The following AMOTL2 variants were observed in gnomAD, a reference collection of about 807,000 sequenced individuals.
AMOTL2 encodes the protein angiomotin-like protein 2.
In AMOTL2, 33 loss-of-function variants were observed where a neutral mutation model predicts 78.4. The observed-to-expected ratio is 0.42, with a 90% confidence interval of 0.32 to 0.56. AMOTL2 has a LOEUF of 0.56. Among genes scored for constraint, AMOTL2 ranks in the 20% least tolerant of loss-of-function variants. The pLI is 0.12. For missense variants in AMOTL2, 983 were observed against 1,030.1 expected (o/e 0.95, Z 0.63); for synonymous variants, 422 against 428.8 (o/e 0.98, Z 0.20).
intron 2 of AMOTL2, among the ~76,000 whole-genome samples, chr3:134,369,264 A>T (rs768023756): frequency 6.6e-6 from 1 of 152,112 alleles, no homozygotes; most frequent in African/African-American, 2.4e-5. Context: ...GCCATTCTCA[A>T]GGTTGCTTCA....
At position 134,357,277 on chromosome 3, in the gene AMOTL2, G is replaced by T. The variant is rs932384173; in HGVS notation, c.*428C>A. The T allele has an allele frequency of 2.5e-5, 5 of 199,588 alleles. No individual in the cohort carries two copies. Among genetic ancestry groups the T allele is most frequent in the African/African-American group, 1.1e-4 (5 of 44,110 alleles). 12.4% of individuals were successfully genotyped at this position (199,588 alleles called of 1,614,324 possible). A position where few individuals can be genotyped will look rare whatever the true frequency, so the allele number is the denominator to read the frequency against. ...GAACAATATGGCTGACTTGATTAGT[G>T]AACCAGTCCACCTGGTGTCCACGGG... On this transcript the variant is annotated 3_prime_UTR_variant, in exon 10 of 10. Transcript: ENST00000249883.
chr3:134,370,612 A>G, intron 2 of AMOTL2, 88 bp downstream of exon 2: 1 of 1,457,118 alleles, frequency 6.9e-7, no homozygotes, highest in Non-Finnish European at 9.1e-7. Flanking sequence ...TAGCTCTGAC[A>G]CAAGCTGTGA....
intron 9 of AMOTL2, 51 bp from the exon 10 acceptor site, chr3:134,357,814 C>G (rs1011329782): frequency 1.9e-6 from 3 of 1,562,808 alleles, no homozygotes; most frequent in Non-Finnish European, 2.6e-6. Context: ...TACTAGATTG[C>G]TTTTAAAATC....
At position 134,360,339 on chromosome 3, in the gene AMOTL2, T is replaced by A; in HGVS notation, c.1650A>T (p.Glu550Asp). The A allele has an allele frequency of 1.2e-6, 2 of 1,614,216 alleles. No individual in the cohort carries two copies. The highest frequency in any genetic ancestry group is 2.7e-5 in the African/African-American group (2 of 75,078). ...SPELSALRLS[E>D]QLREKEEQIL... ...TCTGCTCCTCCTTCTCTCGCAGTTG[T>A]TCTGACAGTCGCAGGGCGCTGAGCT... The change falls in exon 7 of 10, where the codon GAA (glutamate) becomes GAT (aspartate). Residue 550 changes from glutamate (E) to aspartate (D), a missense_variant. Physicochemically the swap from Glu to Asp is conservative, Grantham distance 45 (BLOSUM62 2). Coordinates refer to ENST00000249883, the MANE Select transcript of AMOTL2 (RefSeq NM_016201.4).
chr3:134,365,930 A>G (rs1330524220), intron 4 of AMOTL2, 21 bp from the exon 5 acceptor site: 4 of 1,611,816 alleles, frequency 2.5e-6, no homozygotes, highest in Non-Finnish European at 3.4e-6. Flanking sequence ...GGAAGGAAAG[A>G]TGTTTTAGTG....
chr3:134,364,643 C>T (rs1295023336), intron 5 of AMOTL2, among the ~76,000 whole-genome samples: 1 of 152,078 alleles, frequency 6.6e-6, no homozygotes, highest in Non-Finnish European at 1.5e-5. Flanking sequence ...CTGTCAATTC[C>T]TTCAGTGCTG....
intron 3 of AMOTL2, 89 bp downstream of exon 3, chr3:134,367,408 C>T: frequency 6.8e-7 from 1 of 1,473,452 alleles, no homozygotes; most frequent in Non-Finnish European, 9.3e-7. Context: ...TTTTCAGGCT[C>T]CTCTGCCTCT....
chr3:134,375,047 C>A, upstream of AMOTL2: 3 of 1,459,070 alleles, frequency 2.1e-6, no homozygotes, highest in Non-Finnish European at 2.7e-6. Flanking sequence ...GCCTCTTTCC[C>A]CTAACCCCCG....
At chr3:134,373,425 G>T in intron 1 of AMOTL2, 1 of 977,354 alleles carries the variant, frequency 1.0e-6, no homozygotes, top group Non-Finnish European at 1.2e-6. Context: ...TCGCGAATTT[G>T]TCCCGGCCAA....
At chr3:134,363,999 A>C (rs2017487285) in intron 5 of AMOTL2, among the ~76,000 whole-genome samples, 1 of 152,198 alleles carries the variant, frequency 6.6e-6, no homozygotes. Flanking sequence ...CTCCTTAGTA[A>C]GAAATAAGTG....
Position 134,371,128 on chromosome 3 carries a change from C to G in AMOTL2, c.306G>C (p.Glu102Asp), listed in dbSNP as rs1029534016. Reference sequence around the variant, plus strand: ...TGGCCTCCTCATAGGTGGGCAGCTCCTCTCCCTTGCTGGGCTGTGGGCATA... The same window carrying G: ...TGGCCTCCTCATAGGTGGGCAGCTCGTCTCCCTTGCTGGGCTGTGGGCATA... ...YRLCPQPSKG[E>D]ELPTYEEAKA... The change falls in exon 2 of 10, where the codon GAG (glutamate) becomes GAC (aspartate). Residue 102 changes from glutamate to aspartate, a missense_variant. Physicochemically the swap from Glu to Asp is conservative, Grantham distance 45. Transcript: ENST00000249883. 6.2e-7 allele frequency: 1 copy of G among 1,613,646 alleles called. No homozygotes were observed. Among genetic ancestry groups the G allele is most frequent in the Non-Finnish European group, 8.5e-7 (1 of 1,179,842 alleles).
chr3:134,375,293 C>G, upstream of AMOTL2: 1 of 1,506,690 alleles, frequency 6.6e-7, no homozygotes, highest in South Asian at 1.2e-5. Context: ...GGCTTTTCGC[C>G]CAGTCATCCG....
chr3:134,373,664 C>A, intron 1 of AMOTL2: 1 of 985,498 alleles, frequency 1.0e-6, no homozygotes, highest in Non-Finnish European at 1.2e-6. Flanking sequence ...GGGCTCCCGC[C>A]CCACCACGAG....
intron 5 of AMOTL2, among the ~76,000 whole-genome samples, chr3:134,363,001 G>A (rs537301758): frequency 6.6e-6 from 1 of 152,364 alleles, no homozygotes; most frequent in African/African-American, 2.4e-5. Context: ...CTAGACACAC[G>A]TGCCACTGAG....
At position 134,361,765 on chromosome 3, in the gene AMOTL2, A is replaced by G. The variant is rs1474379015; in HGVS notation, c.1322T>C (p.Met441Thr). The change falls in exon 6 of 10, where the codon ATG becomes ACG. Residue 441 changes from methionine to threonine, a missense_variant. Met to Thr is a moderately conservative substitution (Grantham distance 81, BLOSUM62 -1). Coordinates refer to ENST00000249883, the MANE Select transcript of AMOTL2 (RefSeq NM_016201.4). ...QQEQEKLERE[M>T]ALLRGAIEDQ... ...CTCGATGGCGCCGCGCAGCAGTGCC[A>G]TCTCTCGCTCCAGCTTCTCTTGCTC... is the stretch of plus-strand genomic sequence containing the variant. 2.5e-6 allele frequency: 4 copies of G among 1,579,788 alleles called. No homozygotes were observed. The highest frequency in any genetic ancestry group is 2.7e-5 in the African/African-American group (2 of 74,000).
intron 4 of AMOTL2, 60 bp downstream of exon 4, chr3:134,366,223 C>T (rs1426485402): frequency 6.4e-7 from 1 of 1,558,816 alleles, no homozygotes; most frequent in Non-Finnish European, 8.7e-7. Context: ...TTCTCTAGAA[C>T]AAAAGAAGTA....
At chr3:134,373,233 A>G (rs1435626606) in intron 1 of AMOTL2, among the ~76,000 whole-genome samples, 1 of 152,046 alleles carries the variant, frequency 6.6e-6, no homozygotes, top group Non-Finnish European at 1.5e-5. Context: ...TTCAATTCGT[A>G]TGGGATTCAG....
chr3:134,359,544 G>T (rs913794833), intron 7 of AMOTL2, 41 bp from the exon 8 acceptor site: 1 of 1,525,902 alleles, frequency 6.6e-7, no homozygotes, highest in South Asian at 1.2e-5. Context: ...CAGACCCACA[G>T]ATCCAACAGC....
chr3:134,361,662 C>G lies in AMOTL2; in HGVS notation c.1425G>C (p.Glu475Asp), dbSNP rs930548520. The change falls in exon 6 of 10, where the codon GAG becomes GAC. Residue 475 changes from glutamate to aspartate, a missense_variant. Physicochemically the swap from Glu to Asp is conservative, Grantham distance 45. Transcript: ENST00000249883. ...AQGRAARAEE[E>D]LRKKQAYVEK... ...CCACATAGGCCTGCTTCTTGCGCAG[C>G]TCCTCTTCGGCTCGAGCTGCCCGGC... 1.9e-6 allele frequency: 3 copies of G among 1,612,266 alleles called. No homozygotes were observed. The highest frequency in any genetic ancestry group is 2.7e-5 in the African/African-American group (2 of 74,946).
Sources: allele counts gnomAD v4.1 joint callset (sites outside exome capture counted in the v4.1 genomes callset), GRCh38; gene constraint gnomAD v4.1.1; transcripts MANE v1.5; gene names NCBI Gene and HGNC (gene_info 2026-07-23, HGNC 2026-07-21).